PDE4D: variants seen among roughly 807,000 people sequenced by gnomAD.
The protein encoded by PDE4D is phosphodiesterase 4D.
PDE4D carries 24 observed loss-of-function variants against 87.4 expected under a neutral mutation model. The observed-to-expected ratio is 0.27, with a 90% CI of 0.20 to 0.39. PDE4D has a LOEUF of 0.39. Ranked by LOEUF, PDE4D falls within the 10% of genes least tolerant of loss-of-function variation. The pLI is 1.00. For synonymous variants in PDE4D, 384 were observed against 383.2 expected, an observed-to-expected ratio of 1.00 and a Z score of -0.02; for missense variants, 714 against 1,041.0, an observed-to-expected ratio of 0.69 and a Z score of 4.32.
chr5:59,600,748 A>G (rs566596724), intron 1 of PDE4D, among the ~76,000 whole-genome samples: 2 of 152,234 alleles, frequency 1.3e-5, no homozygotes, highest in Admixed American at 1.3e-4. Context: ...TCAAAATAAG[A>G]TCTTTAAGTT....
At chr5:59,451,011 A>C (rs1799073484) in intron 1 of PDE4D, among the ~76,000 whole-genome samples, 1 of 152,168 alleles carries the variant, frequency 6.6e-6, no homozygotes, top group Admixed American at 6.5e-5. Flanking sequence ...AATTTCTTGA[A>C]ATAATTTTGT....
chr5:59,103,804 A>G (rs1035212110), intron 5 of PDE4D, among the ~76,000 whole-genome samples: 8 of 152,236 alleles, frequency 5.3e-5, no homozygotes, highest in African/African-American at 1.9e-4. Context: ...AGCTATTTGT[A>G]TGTGTGAGCA....
At chr5:60,267,477 A>T (rs925107693) in intron 1 of PDE4D, among the ~76,000 whole-genome samples, 3 of 152,182 alleles carry the variant, frequency 2.0e-5, no homozygotes, top group African/African-American at 7.2e-5. Flanking sequence ...CTGGAAGCAG[A>T]CATACTCAGT....
chr5:59,532,135 A>T (rs1188985664), intron 1 of PDE4D, among the ~76,000 whole-genome samples: 1 of 151,964 alleles, frequency 6.6e-6, no homozygotes, highest in Non-Finnish European at 1.5e-5. Flanking sequence ...CCCTTACTAG[A>T]TTTTTTTGTT....
At chr5:59,480,802 G>A (rs1804119972) in intron 1 of PDE4D, among the ~76,000 whole-genome samples, 1 of 152,084 alleles carries the variant, frequency 6.6e-6, no homozygotes, top group African/African-American at 2.4e-5. Flanking sequence ...ATAACCAATA[G>A]GGCAGTGTAG....
intron 6 of PDE4D, among the ~76,000 whole-genome samples, chr5:59,028,186 T>C (rs988752645): frequency 1.3e-4 from 20 of 152,072 alleles, no homozygotes; most frequent in Admixed American, 2.6e-4. Context: ...TGATGAGCTA[T>C]ACTGTAAAAT....
At chr5:60,397,926 T>A (rs1762993883) in intron 1 of PDE4D, among the ~76,000 whole-genome samples, 1 of 152,214 alleles carries the variant, frequency 6.6e-6, no homozygotes, top group South Asian at 2.1e-4. Flanking sequence ...GTTTAGACCT[T>A]GAAATTCTTG....
At chr5:59,195,547 G>A (rs1489272676) in intron 2 of PDE4D, among the ~76,000 whole-genome samples, 1 of 152,200 alleles carries the variant, frequency 6.6e-6, no homozygotes, top group Non-Finnish European at 1.5e-5. Context: ...AGATCACAGA[G>A]CCCTTGTATG....
upstream of PDE4D, chr5:60,491,167 A>G (rs1027876147): frequency 6.6e-6 from 1 of 152,242 alleles, no homozygotes; most frequent in Non-Finnish European, 1.5e-5. Flanking sequence ...GTAAACTGAA[A>G]GAAAAATAGT....
At chr5:59,109,198 T>C (rs114540216) in intron 5 of PDE4D, among the ~76,000 whole-genome samples, 5,596 of 152,196 alleles carry the variant, frequency 0.037, 387 homozygotes, top group African/African-American at 0.13. Flanking sequence ...GCATTAATCA[T>C]TAAAAAAAAT....
intron 3 of PDE4D, among the ~76,000 whole-genome samples, chr5:59,927,192 A>T (rs1030796505): frequency 8.5e-5 from 13 of 152,180 alleles, no homozygotes; most frequent in Admixed American, 7.2e-4. Context: ...TTACTCCATG[A>T]CACACTTTTA....
intron 1 of PDE4D, among the ~76,000 whole-genome samples, chr5:59,839,062 C>T (rs1742578261): frequency 6.6e-6 from 1 of 151,942 alleles, no homozygotes; most frequent in Non-Finnish European, 1.5e-5. Flanking sequence ...CCCTCAGGAT[C>T]CCTGCTGCCT....
intron 2 of PDE4D, among the ~76,000 whole-genome samples, chr5:59,199,581 C>T (rs1296826049): frequency 1.3e-5 from 2 of 152,022 alleles, no homozygotes; most frequent in African/African-American, 4.8e-5. Flanking sequence ...ATCTTTCTTT[C>T]CTCAGCCTAA....
chr5:60,448,467 A>G (rs1745826493), intron 1 of PDE4D, among the ~76,000 whole-genome samples: 1 of 152,130 alleles, frequency 6.6e-6, no homozygotes, highest in Non-Finnish European at 1.5e-5. Flanking sequence ...GGCCATCAAC[A>G]CTACTCAATA....
At chr5:59,762,778 TAC>T (rs1348509875) in intron 1 of PDE4D, among the ~76,000 whole-genome samples, 2 of 145,634 alleles carry the variant, frequency 1.4e-5, no homozygotes, top group African/African-American at 5.0e-5. Flanking sequence ...TATGTATATA[TAC>T]ACACACATAT....
intron 1 of PDE4D, among the ~76,000 whole-genome samples, chr5:59,652,422 C>A (rs1743660172): frequency 6.6e-6 from 1 of 152,042 alleles, no homozygotes; most frequent in African/African-American, 2.4e-5. Flanking sequence ...TAAGCATTCA[C>A]ACATATCAGC....
chr5:58,987,090 T>A (rs748276077), intron 11 of PDE4D, among the ~76,000 whole-genome samples: 2 of 152,170 alleles, frequency 1.3e-5, no homozygotes, highest in African/African-American at 4.8e-5. Flanking sequence ...GCCAGGCTCA[T>A]GTAAAGTGCC....
intron 1 of PDE4D, among the ~76,000 whole-genome samples, chr5:59,562,981 G>A (rs751953479): frequency 2.6e-5 from 4 of 151,956 alleles, no homozygotes; most frequent in East Asian, 1.9e-4. Context: ...ACTTCCTTCC[G>A]GTGTTGCTTA....
At chr5:60,303,778 T>C (rs1393729948) in intron 1 of PDE4D, among the ~76,000 whole-genome samples, 1 of 152,224 alleles carries the variant, frequency 6.6e-6, no homozygotes, top group Non-Finnish European at 1.5e-5. Context: ...CTGTTGTTTT[T>C]AGTGGAGAAT....
Sources: gnomAD v4.1 joint callset for allele counts (sites outside exome capture counted in the v4.1 genomes callset) on GRCh38, gnomAD v4.1.1 for gene constraint, MANE v1.5 for transcripts, NCBI Gene and HGNC (gene_info 2026-07-23, HGNC 2026-07-21) for gene names.